FIGN: variants seen among roughly 807,000 people sequenced by gnomAD.
The protein encoded by FIGN is fidgetin.
Under a neutral mutation model 51.3 loss-of-function variants are expected in FIGN, and 11 were observed. The observed-to-expected ratio is 0.21, with a 90% CI of 0.13 to 0.35. The LOEUF (loss-of-function observed/expected upper bound fraction) is 0.35. Ranked by LOEUF, FIGN falls within the 10% of genes least tolerant of loss-of-function variation. FIGN has a pLI of 1.00. For missense variants in FIGN, 857 were observed against 943.6 expected, an observed-to-expected ratio of 0.91 and a Z score of 1.20; for synonymous variants, 407 against 363.2, an observed-to-expected ratio of 1.12 and a Z score of -1.37.
chr2:163,641,830 C>A (rs1247941664), intron 2 of FIGN, among the ~76,000 whole-genome samples: 1 of 152,124 alleles, frequency 6.6e-6, no homozygotes, highest in Non-Finnish European at 1.5e-5. Flanking sequence ...GTGTTGGTAA[C>A]AAATAGGGAT....
chr2:163,611,178 C>T lies in FIGN; in HGVS notation c.654G>A (p.Gly218=), dbSNP rs375950546. Residue 218 remains glycine (G), a synonymous_variant, in exon 3 of 3, where the codon GGG becomes GGA. Coordinates refer to ENST00000333129, the MANE Select transcript of FIGN (RefSeq NM_018086.4). ...SPHPSPLHSS[G]LLQPPPPPPP... ...GAGGTGGTGGTGGGGGCTGTAGTAG[C>T]CCAGAGCTATGCAAAGGAGACGGAT... 75 of 1,613,914 alleles carry T rather than the reference C, an allele frequency of 4.6e-5. No individual in the cohort carries two copies. The African/African-American group carries it at 9.3e-4, about 20-fold the overall frequency.
At chr2:163,689,895 T>C (rs746981383) in intron 2 of FIGN, among the ~76,000 whole-genome samples, 5 of 152,100 alleles carry the variant, frequency 3.3e-5, no homozygotes, top group African/African-American at 4.8e-5. Context: ...GAGCAGCAAA[T>C]ACTCTCTAAA....
At chr2:163,635,698 A>C (rs1683213178) in intron 2 of FIGN, among the ~76,000 whole-genome samples, 1 of 152,222 alleles carries the variant, frequency 6.6e-6, no homozygotes. Flanking sequence ...CTATTAACAG[A>C]GCGTATACCA....
At chr2:163,699,985 A>G (rs556625566) in intron 2 of FIGN, among the ~76,000 whole-genome samples, 2 of 152,232 alleles carry the variant, frequency 1.3e-5, no homozygotes, top group South Asian at 4.1e-4. Flanking sequence ...GTGTTACCCT[A>G]TGACTGACTG....
chr2:163,620,255 T>A (rs1682945105), intron 2 of FIGN, among the ~76,000 whole-genome samples: 1 of 152,206 alleles, frequency 6.6e-6, no homozygotes, highest in African/African-American at 2.4e-5. Context: ...TTTAAAGTTG[T>A]TACTTTGCAG....
chr2:163,655,699 G>T (rs1683547887), intron 2 of FIGN, among the ~76,000 whole-genome samples: 1 of 151,854 alleles, frequency 6.6e-6, no homozygotes, highest in African/African-American at 2.4e-5. Context: ...GTTTCTAAGA[G>T]AAAAATATGT....
At chr2:163,671,107 A>G (rs1004550046) in intron 2 of FIGN, among the ~76,000 whole-genome samples, 1 of 152,160 alleles carries the variant, frequency 6.6e-6, no homozygotes, top group Admixed American at 6.6e-5. Context: ...AAGATATTGC[A>G]CCAGCTTGTG....
At chr2:163,658,370 TCTCTCTCTCTC>T (rs1189721030) in intron 2 of FIGN, among the ~76,000 whole-genome samples, 1 of 11,220 alleles carries the variant, frequency 8.9e-5, no homozygotes, top group Non-Finnish European at 3.2e-4. Flanking sequence ...AACAGCTCTC[TCTCTCTCTCTC>T]TCTCTCTCTC....
intron 2 of FIGN, among the ~76,000 whole-genome samples, chr2:163,618,835 G>C (rs893596519): frequency 7.2e-5 from 11 of 152,050 alleles, no homozygotes. Flanking sequence ...CTCCACTTTA[G>C]AGCTTCAACT....
At chr2:163,649,502 G>A (rs1683436517) in intron 2 of FIGN, among the ~76,000 whole-genome samples, 1 of 152,180 alleles carries the variant, frequency 6.6e-6, no homozygotes, top group Non-Finnish European at 1.5e-5. Context: ...AGGCAAGAGA[G>A]GCCCAGATGT....
chr2:163,676,378 G>A (rs549171551), intron 2 of FIGN, among the ~76,000 whole-genome samples: 2 of 137,148 alleles, frequency 1.5e-5, no homozygotes, highest in South Asian at 2.3e-4. Context: ...CGTACAAAAT[G>A]TATTTTAATT....
intron 2 of FIGN, among the ~76,000 whole-genome samples, chr2:163,719,333 C>A (rs1470756407): frequency 6.6e-6 from 1 of 152,120 alleles, no homozygotes; most frequent in Non-Finnish European, 1.5e-5. Context: ...AAGGGAGACA[C>A]AAGGAGAAGG....
intron 2 of FIGN, among the ~76,000 whole-genome samples, chr2:163,680,228 G>A (rs979039437): frequency 6.6e-6 from 1 of 152,128 alleles, no homozygotes; most frequent in Non-Finnish European, 1.5e-5. Flanking sequence ...CCAAAATTAA[G>A]CCTTCAGAGT....
intron 2 of FIGN, among the ~76,000 whole-genome samples, chr2:163,691,352 T>G (rs1684236292): frequency 6.6e-6 from 1 of 152,172 alleles, no homozygotes; most frequent in African/African-American, 2.4e-5. Flanking sequence ...GGCAACCCTC[T>G]GCCTTTATTT....
At position 163,610,223 on chromosome 2, in the gene FIGN, T is replaced by C. The variant is rs1220145280; in HGVS notation, c.1609A>G (p.Arg537Gly). 1 of 1,614,134 alleles carries C rather than the reference T, an allele frequency of 6.2e-7. No individual in the cohort carries two copies. The highest frequency in any genetic ancestry group is 8.5e-7 in the Non-Finnish European group (1 of 1,180,010). Residue 537 changes from arginine to glycine, a missense_variant, in exon 3 of 3, where the codon AGA becomes GGA. Physicochemically the swap from Arg to Gly is moderately radical, Grantham distance 125. Transcript: ENST00000333129. ...PRGTGKTLLGRCIASQLGATF... is the reference protein window; with the variant it reads ...PRGTGKTLLGGCIASQLGATF... ...GCCCCCAGCTGACTAGCGATGCATC[T>C]GCCCAATAATGTTTTGCCTGTCCCC...
At chr2:163,654,247 A>G (rs1301980759) in intron 2 of FIGN, among the ~76,000 whole-genome samples, 2 of 152,106 alleles carry the variant, frequency 1.3e-5, no homozygotes, top group Non-Finnish European at 2.9e-5. Flanking sequence ...GCAATATTTA[A>G]TATACTATAT....
chr2:163,686,997 A>G (rs879778931), intron 2 of FIGN, among the ~76,000 whole-genome samples: 3 of 151,284 alleles, frequency 2.0e-5, no homozygotes, highest in Admixed American at 1.3e-4. Context: ...ATTATGATGT[A>G]TGTGTGAGAT....
chr2:163,612,404 G>A (rs1290157001), intron 2 of FIGN: 1 of 985,204 alleles, frequency 1.0e-6, no homozygotes, highest in Non-Finnish European at 1.2e-6. Context: ...CACAGACATA[G>A]CAGGTCATTC....
chr2:163,728,407 C>T (rs1258197474), intron 2 of FIGN, among the ~76,000 whole-genome samples: 2 of 150,548 alleles, frequency 1.3e-5, no homozygotes, highest in African/African-American at 4.9e-5. Flanking sequence ...AACACACACA[C>T]ACACACACAC....
Sources: allele counts gnomAD v4.1 joint callset (sites outside exome capture counted in the v4.1 genomes callset), GRCh38; gene constraint gnomAD v4.1.1; transcripts MANE v1.5; gene names NCBI Gene and HGNC (gene_info 2026-07-23, HGNC 2026-07-21).